The following PCBP3 variants were observed in gnomAD, a reference collection of about 807,000 sequenced individuals.
PCBP3 encodes the protein poly(rC) binding protein 3.
PCBP3 carries 25 observed loss-of-function variants against 52.7 expected under a neutral mutation model. That is an observed-to-expected ratio of 0.47 (90% CI 0.35 to 0.66). PCBP3 has a LOEUF of 0.66. Among genes scored for constraint, PCBP3 ranks in the 30% least tolerant of loss-of-function variants. The pLI is 0.01. For synonymous variants in PCBP3, 162 were observed against 183.0 expected, an observed-to-expected ratio of 0.89 and a Z score of 0.93; for missense variants, 391 against 490.3, an observed-to-expected ratio of 0.80 and a Z score of 1.91.
intron 17 of PCBP3, 77 bp from the exon 18 acceptor site, chr21:45,941,593 G>A: frequency 7.3e-7 from 1 of 1,375,548 alleles, no homozygotes; most frequent in Non-Finnish European, 1.0e-6. Context: ...AGGCCACACA[G>A]CCCGGCCTCA....
chr21:45,702,349 CA>C (rs951919261), intron 2 of PCBP3, among the ~76,000 whole-genome samples: 7 of 151,972 alleles, frequency 4.6e-5, no homozygotes, highest in East Asian at 1.9e-4. Flanking sequence ...TATACAGTGT[CA>C]AAAAAAATCA....
At chr21:45,696,049 A>C (rs1344954781) in intron 2 of PCBP3, among the ~76,000 whole-genome samples, 1 of 135,396 alleles carries the variant, frequency 7.4e-6, no homozygotes, top group East Asian at 2.3e-4. Flanking sequence ...ACTGCACTCC[A>C]GCCTGGGTAA....
At chr21:45,857,815 C>T (rs1427567021) in intron 5 of PCBP3, among the ~76,000 whole-genome samples, 1 of 152,206 alleles carries the variant, frequency 6.6e-6, no homozygotes, top group Non-Finnish European at 1.5e-5. Context: ...GACCAGAAAG[C>T]CTCAAGCCCT....
At chr21:45,744,705 C>T (rs946881681) in intron 3 of PCBP3, among the ~76,000 whole-genome samples, 6 of 151,918 alleles carry the variant, frequency 3.9e-5, no homozygotes, top group African/African-American at 1.5e-4. Flanking sequence ...TTAATAGTTT[C>T]CTGAGTGCTT....
At chr21:45,899,322 C>T (rs961795813) in intron 6 of PCBP3, among the ~76,000 whole-genome samples, 15 of 152,306 alleles carry the variant, frequency 9.8e-5, no homozygotes, top group Admixed American at 8.5e-4. Flanking sequence ...GGGCAGCCAG[C>T]TGCCCTCCCC....
At position 45,940,271 on chromosome 21, in the gene PCBP3, C is replaced by T. The variant is rs575506474; in HGVS notation, c.1079+72C>T. 1.4e-5 allele frequency: 19 copies of T among 1,385,586 alleles called. No homozygotes were observed. The East Asian group carries it at 1.4e-4, about 10-fold the overall frequency. The allele number at this position is 1,385,586 out of a possible 1,614,324, so 85.8% of individuals were successfully genotyped here. A position where few individuals can be genotyped will look rare whatever the true frequency, so the allele number is the denominator to read the frequency against. On this transcript the variant is annotated intron_variant, in intron 17 of 17. Coordinates refer to ENST00000681687, the MANE Select transcript of PCBP3 (RefSeq NM_001384156.1). ...GCCAGCCGGCGTTACATCACCTGGA[C>T]GGTCGGGGGGTGGGAGGAGGCACAG...
At chr21:45,665,441 T>A (rs1245424048) in intron 1 of PCBP3, among the ~76,000 whole-genome samples, 2 of 152,118 alleles carry the variant, frequency 1.3e-5, no homozygotes, top group African/African-American at 4.8e-5. Context: ...TTTTTGTTAG[T>A]TAATTTTGTA....
chr21:45,836,191 A>G (rs1415190897), intron 4 of PCBP3: 1 of 151,968 alleles, frequency 6.6e-6, no homozygotes, highest in African/African-American at 2.4e-5. Flanking sequence ...AAACAGAAGG[A>G]ACCTTGGACC....
chr21:45,769,485 A>G (rs2089671157), intron 4 of PCBP3, among the ~76,000 whole-genome samples: 1 of 152,270 alleles, frequency 6.6e-6, no homozygotes, highest in Non-Finnish European at 1.5e-5. Context: ...CTGAAATGAA[A>G]GGGATCTTCA....
chr21:45,907,477 G>A (rs559553194), intron 9 of PCBP3, among the ~76,000 whole-genome samples: 394 of 152,308 alleles, frequency 2.6e-3, no homozygotes, highest in Non-Finnish European at 4.7e-3. Context: ...ATCTCCAGTT[G>A]TTTCATCTTA....
At chr21:45,686,990 A>C (rs2082191773) in intron 2 of PCBP3, among the ~76,000 whole-genome samples, 1 of 152,226 alleles carries the variant, frequency 6.6e-6, no homozygotes. Context: ...AATGCCAGAA[A>C]ATACTTCAAA....
At chr21:45,860,541 G>A (rs1380141294) in intron 5 of PCBP3, among the ~76,000 whole-genome samples, 1 of 152,194 alleles carries the variant, frequency 6.6e-6, no homozygotes, top group East Asian at 1.9e-4. Flanking sequence ...TGGAGAAATG[G>A]CAGATTCTGG....
chr21:45,677,615 A>G (rs529534343), intron 2 of PCBP3, among the ~76,000 whole-genome samples: 2 of 152,242 alleles, frequency 1.3e-5, no homozygotes, highest in Non-Finnish European at 2.9e-5. Context: ...GGACACCCAT[A>G]GCTAGAGAAA....
intron 4 of PCBP3, among the ~76,000 whole-genome samples, chr21:45,778,583 A>G (rs1374638776): frequency 6.6e-6 from 1 of 152,168 alleles, no homozygotes; most frequent in Admixed American, 6.5e-5. Context: ...CAGTCGTCAG[A>G]TCCACAGGTG....
intron 9 of PCBP3, 85 bp downstream of exon 9, chr21:45,901,198 T>A: frequency 2.1e-6 from 2 of 936,476 alleles, no homozygotes; most frequent in Non-Finnish European, 3.5e-6. Context: ...CCCCTACACC[T>A]GGACTAGGGG....
At chr21:45,650,155 C>A (rs2079583857) in intron 1 of PCBP3, among the ~76,000 whole-genome samples, 2 of 150,398 alleles carry the variant, frequency 1.3e-5, no homozygotes, top group South Asian at 2.1e-4. Flanking sequence ...AGTGAGACCC[C>A]ATTTTTACAA....
intron 13 of PCBP3, among the ~76,000 whole-genome samples, chr21:45,925,654 A>T (rs2075304667): frequency 6.6e-6 from 1 of 152,326 alleles, no homozygotes; most frequent in East Asian, 1.9e-4. Flanking sequence ...GCTAAGGAAT[A>T]TGCAACAAAA....
In PCBP3 at chr21:45,669,834, T is replaced by C. The variant is rs1172173345; in HGVS notation, c.-200+882T>C. Among the ~76,000 whole-genome samples the C allele has an allele frequency of 2.8e-5, 4 of 142,360 alleles. No individual in the cohort carries two copies. In the Admixed American group the frequency reaches 2.8e-4, roughly 10 times the overall value. The allele number at this position is 142,360 out of a possible 152,430, so 93.4% of individuals were successfully genotyped here. A position where few individuals can be genotyped will look rare whatever the true frequency, so the allele number is the denominator to read the frequency against. ...ATATATATATATATATATATATATA[T>C]ATATATATATATCACATTTTGTTTA... is the stretch of plus-strand genomic sequence containing the variant. On this transcript the variant is annotated intron_variant, in intron 2 of 17. Coordinates refer to ENST00000681687, the MANE Select transcript of PCBP3 (RefSeq NM_001384156.1).
At chr21:45,902,187 A>T (rs369323444) in intron 9 of PCBP3, among the ~76,000 whole-genome samples, 1 of 152,216 alleles carries the variant, frequency 6.6e-6, no homozygotes, top group Non-Finnish European at 1.5e-5. Flanking sequence ...GGGGATGCAC[A>T]TGAGGGAAGC....
Sources: gnomAD v4.1 joint callset for allele counts (sites outside exome capture counted in the v4.1 genomes callset) on GRCh38, gnomAD v4.1.1 for gene constraint, MANE v1.5 for transcripts, NCBI Gene and HGNC (gene_info 2026-07-23, HGNC 2026-07-21) for gene names.